CASZ1: variants seen among roughly 807,000 people sequenced by gnomAD.
CASZ1 encodes the protein castor zinc finger 1.
In CASZ1, 28 loss-of-function variants were observed where a neutral mutation model predicts 135.2. The ratio of observed to expected loss-of-function variants is 0.21; its 90% CI spans 0.15 to 0.28. The LOEUF (loss-of-function observed/expected upper bound fraction) is 0.28. CASZ1 is among the 10% of genes least tolerant of loss of function. The pLI, the probability that CASZ1 is intolerant of heterozygous loss-of-function variation, is 1.00. For missense variants in CASZ1, 2,161 were observed against 2,453.3 expected, an observed-to-expected ratio of 0.88 and a Z score of 2.52; for synonymous variants, 1,068 against 1,073.4, an observed-to-expected ratio of 0.99 and a Z score of 0.10.
rs779093614 is a variant in CASZ1, at chr1:10,649,332, C to T, written c.2986G>A (p.Ala996Thr). ...PSPFLGKAVK[A>T]LVQEKLAEPW... Reference sequence around the variant, plus strand: ...TCTGCCAACTTCTCCTGAACCAGCGCCTTCACGGCCTTGCCTAGGAAGGGC... The same window carrying T: ...TCTGCCAACTTCTCCTGAACCAGCGTCTTCACGGCCTTGCCTAGGAAGGGC... The change falls in exon 14 of 21, where the codon GCG (alanine) becomes ACG (threonine). Residue 996 changes from alanine to threonine, a missense_variant. Ala to Thr is a moderately conservative substitution (Grantham distance 58). This residue lies in a region of CASZ1 where 406 missense variants were observed against 387.6 expected (regional missense o/e 1.05). Coordinates refer to ENST00000377022, the MANE Select transcript of CASZ1 (RefSeq NM_001079843.3). The T allele has an allele frequency of 6.3e-7, 1 of 1,597,184 alleles. No homozygotes were observed. The highest frequency in any genetic ancestry group is 8.5e-7 in the Non-Finnish European group (1 of 1,172,034).
At chr1:10,714,515 GA>G (rs1267006922) in intron 2 of CASZ1, among the ~76,000 whole-genome samples, 2 of 152,154 alleles carry the variant, frequency 1.3e-5, no homozygotes, top group Non-Finnish European at 1.5e-5. Context: ...TCCGGCCCAC[GA>G]GGCTGGAGTG....
At chr1:10,749,886 G>C (rs1570557067) in intron 2 of CASZ1, among the ~76,000 whole-genome samples, 1 of 152,180 alleles carries the variant, frequency 6.6e-6, no homozygotes, top group South Asian at 2.1e-4. Flanking sequence ...GCACCGAGTA[G>C]AAGTTGCTCC....
chr1:10,753,133 C>T (rs992142552), intron 2 of CASZ1, among the ~76,000 whole-genome samples: 7 of 152,136 alleles, frequency 4.6e-5, no homozygotes, highest in Admixed American at 1.3e-4. Flanking sequence ...CTAAAAAGTC[C>T]GTGCTATTTG....
At chr1:10,663,016 G>A (rs908813319) in intron 5 of CASZ1, among the ~76,000 whole-genome samples, 12 of 152,206 alleles carry the variant, frequency 7.9e-5, no homozygotes, top group East Asian at 3.8e-4. Flanking sequence ...CATGCCTCCC[G>A]TGTGCCATGC....
Position 10,699,001 on chromosome 1 carries a change from C to A in CASZ1, c.-23-5089G>T, listed in dbSNP as rs969169565. On this transcript the variant is annotated intron_variant, in intron 3 of 20. Coordinates refer to ENST00000377022, the MANE Select transcript of CASZ1 (RefSeq NM_001079843.3). The surrounding 1 kb of genome is among the most constrained non-coding windows in gnomAD (Gnocchi z 4.6). ...GCCACTCAGCTCCCCCACCGCTCCC[C>A]CACCCATGGCCTGGCCTGGGTTGGG... 2.0e-5 allele frequency among the ~76,000 whole-genome samples: 3 copies of A among 152,230 alleles called. No individual in the cohort carries two copies. Among genetic ancestry groups the A allele is most frequent in the Non-Finnish European group, 4.4e-5 (3 of 68,036 alleles).
chr1:10,775,823 C>T (rs1640652652), intron 1 of CASZ1, among the ~76,000 whole-genome samples: 1 of 152,148 alleles, frequency 6.6e-6, no homozygotes, highest in Admixed American at 6.5e-5. Flanking sequence ...GTCTCTCTGC[C>T]AGCTCTGTGT....
intron 2 of CASZ1, among the ~76,000 whole-genome samples, chr1:10,745,205 T>C (rs769651753): frequency 3.3e-5 from 5 of 152,124 alleles, no homozygotes; most frequent in Non-Finnish European, 7.4e-5. Context: ...TCCTTTTATT[T>C]TGATTTCCTC....
chr1:10,765,827 C>T (rs1055248292), intron 1 of CASZ1, among the ~76,000 whole-genome samples: 2 of 152,170 alleles, frequency 1.3e-5, no homozygotes, highest in African/African-American at 4.8e-5. Context: ...GGAGGGGACC[C>T]GCACCCCAGA....
In CASZ1 at chr1:10,657,198, T is replaced by C. The variant is rs1178420680; in HGVS notation, c.1410-462A>G. On this transcript the variant is annotated intron_variant, in intron 7 of 20. Coordinates refer to ENST00000377022, the MANE Select transcript of CASZ1 (RefSeq NM_001079843.3). This position sits in a 1 kb window ranked among gnomAD's most constrained non-coding sequence, Gnocchi z 5.7. ...TGACACTTGAAACAGTGCAGAGCTA[T>C]GAATTTTTAAAGCACAGCATCTGTT... 9.9e-5 allele frequency among the ~76,000 whole-genome samples: 15 copies of C among 152,224 alleles called. No homozygotes were observed. The highest frequency in any genetic ancestry group is 3.6e-4 in the African/African-American group (15 of 41,462).
intron 1 of CASZ1, among the ~76,000 whole-genome samples, chr1:10,787,230 CCAGAA>C (rs1640874161): frequency 6.6e-6 from 1 of 152,200 alleles, no homozygotes; most frequent in African/African-American, 2.4e-5. Context: ...AGAGCCAGTA[CCAGAA>C]CAGGGTCCCC....
At chr1:10,744,393 G>A (rs1476199032) in intron 2 of CASZ1, among the ~76,000 whole-genome samples, 2 of 136,314 alleles carry the variant, frequency 1.5e-5, no homozygotes, top group Non-Finnish European at 3.2e-5. Flanking sequence ...GCATGTCCTG[G>A]GCACCACGAG....
At chr1:10,760,916 C>T (rs555844674) in intron 1 of CASZ1, 59 bp from the exon 2 acceptor site, 6 of 152,398 alleles carry the variant, frequency 3.9e-5, no homozygotes, top group Non-Finnish European at 7.3e-5. Flanking sequence ...CCCACAAACC[C>T]ACCCCACACT....
intron 4 of CASZ1, among the ~76,000 whole-genome samples, chr1:10,668,880 C>G (rs1046982977): frequency 6.6e-6 from 1 of 152,246 alleles, no homozygotes; most frequent in African/African-American, 2.4e-5. Context: ...TGGTGCCACA[C>G]GTGAGCTTGA....
chr1:10,691,817 A>G (rs1638779321), intron 4 of CASZ1, among the ~76,000 whole-genome samples: 1 of 152,172 alleles, frequency 6.6e-6, no homozygotes. Context: ...AAGTTCTGAG[A>G]TTATAAGTGA....
intron 4 of CASZ1, among the ~76,000 whole-genome samples, chr1:10,684,737 C>T (rs1484384472): frequency 1.2e-4 from 18 of 152,236 alleles, no homozygotes; most frequent in Non-Finnish European, 2.1e-4. Flanking sequence ...GAGTCTAACT[C>T]GCATCTGCTC....
chr1:10,718,737 C>T (rs1253364231), intron 2 of CASZ1, among the ~76,000 whole-genome samples: 2 of 152,244 alleles, frequency 1.3e-5, no homozygotes, highest in Admixed American at 1.3e-4. Flanking sequence ...CAGACCCAGG[C>T]CCACAACGTC....
chr1:10,640,608 C>T (rs1361358460), intron 20 of CASZ1, among the ~76,000 whole-genome samples: 2 of 152,194 alleles, frequency 1.3e-5, no homozygotes, highest in African/African-American at 2.4e-5. Flanking sequence ...CAACTCCCTG[C>T]CCTAAGGAGC....
intron 20 of CASZ1, among the ~76,000 whole-genome samples, 192 bp downstream of exon 20, chr1:10,642,667 T>TACTG (rs1642243358): frequency 6.6e-6 from 1 of 152,088 alleles, no homozygotes; most frequent in Non-Finnish European, 1.5e-5. Context: ...CAAAGGGCAG[T>TACTG]GCCAGGGAGG....
chr1:10,741,990 CG>C lies in CASZ1; in HGVS notation c.-77+18710del, dbSNP rs973593263. Among the ~76,000 whole-genome samples the C allele has an allele frequency of 2.6e-5, 4 of 152,060 alleles. No individual in the cohort carries two copies. The highest frequency in any genetic ancestry group is 9.7e-5 in the African/African-American group (4 of 41,398). ...GACACGGACCCCTCACCGCTTCTCACGTGCCCCCAGCCGCAACCCCACCACG... is the reference window on the plus strand; with the variant it reads ...GACACGGACCCCTCACCGCTTCTCACTGCCCCCAGCCGCAACCCCACCACG... On this transcript the variant is annotated intron_variant, in intron 2 of 20. Transcript: ENST00000377022. This position sits in a 1 kb window ranked among gnomAD's most constrained non-coding sequence, Gnocchi z 5.0.
Sources: gnomAD v4.1 joint callset for allele counts (sites outside exome capture counted in the v4.1 genomes callset) on GRCh38, gnomAD v4.1.1 for gene constraint, gnomAD v4.1.1 regional missense constraint, Gnocchi (gnomAD v3.1) non-coding constraint, MANE v1.5 for transcripts, NCBI Gene and HGNC (gene_info 2026-07-23, HGNC 2026-07-21) for gene names.